Variants in TTLL11 observed in about 807,000 individuals in gnomAD.
The protein encoded by TTLL11 is tubulin tyrosine ligase like 11.
Under a neutral mutation model 51.7 loss-of-function variants are expected in TTLL11, and 42 were observed. That is an observed-to-expected ratio of 0.81 (90% CI 0.64 to 1.05). The LOEUF (loss-of-function observed/expected upper bound fraction) is 1.05. TTLL11 is among the 50% of genes least tolerant of loss of function. The pLI is 0.00. For synonymous variants in TTLL11, 381 were observed against 383.5 expected, an observed-to-expected ratio of 0.99 and a Z score of 0.08; for missense variants, 799 against 940.4, an observed-to-expected ratio of 0.85 and a Z score of 1.97.
intron 3 of TTLL11, 124 bp downstream of exon 3, chr9:122,031,599 G>T: frequency 8.3e-7 from 1 of 1,200,812 alleles, no homozygotes; most frequent in Non-Finnish European, 1.2e-6. Context: ...ACTGTGTACT[G>T]TTAAGATGCT....
chr9:122,048,437 G>C (rs1432138784), intron 1 of TTLL11, among the ~76,000 whole-genome samples: 5 of 152,132 alleles, frequency 3.3e-5, no homozygotes, highest in Admixed American at 3.3e-4. Context: ...AAAGTGCTGG[G>C]ATTATAGATG....
rs150180629 is a variant in TTLL11, at chr9:121,954,194, C to G, written c.1481+19815G>C. On this transcript the variant is annotated intron_variant, in intron 6 of 8. Transcript: ENST00000321582. The stretch of plus-strand genomic sequence containing the variant: ...GTGCATCAGCTGCAGTGACACTTGT[C>G]TGTTCACTTCATGGATATCATGTAT... Among the ~76,000 whole-genome samples, 316 of 152,338 alleles carry G rather than the reference C, an allele frequency of 2.1e-3. 1 individual carries two copies. Among genetic ancestry groups the G allele is most frequent in the Non-Finnish European group, 3.0e-3 (206 of 68,028 alleles).
chr9:121,932,699 T>A (rs1841038953), intron 6 of TTLL11, among the ~76,000 whole-genome samples: 1 of 152,090 alleles, frequency 6.6e-6, no homozygotes, highest in African/African-American at 2.4e-5. Flanking sequence ...CCACTTTTTT[T>A]TCAAAGGAAA....
chr9:122,007,004 A>AC (rs1843674045), intron 3 of TTLL11, among the ~76,000 whole-genome samples: 4 of 149,402 alleles, frequency 2.7e-5, no homozygotes, highest in Non-Finnish European at 4.4e-5. Flanking sequence ...AAAAAAAAAA[A>AC]AAAAACTTTT....
intron 3 of TTLL11, among the ~76,000 whole-genome samples, chr9:122,007,861 C>T (rs751053174): frequency 2.6e-5 from 4 of 152,118 alleles, no homozygotes; most frequent in Non-Finnish European, 5.9e-5. Context: ...CCACAAGATA[C>T]TTACTAATTA....
At chr9:121,895,306 TTGTG>T (rs1172903349) in intron 6 of TTLL11, among the ~76,000 whole-genome samples, 1 of 151,750 alleles carries the variant, frequency 6.6e-6, no homozygotes, top group Admixed American at 6.6e-5. Context: ...GTAGCTGTGT[TTGTG>T]TATGTGAGTG....
intron 6 of TTLL11, among the ~76,000 whole-genome samples, chr9:121,960,266 G>C (rs116776148): frequency 1.3e-5 from 2 of 152,112 alleles, no homozygotes; most frequent in Non-Finnish European, 2.9e-5. Context: ...ATCCATGCAC[G>C]AAGCTATAAT....
At chr9:121,990,761 A>T (rs1843088551) in intron 3 of TTLL11, among the ~76,000 whole-genome samples, 1 of 152,220 alleles carries the variant, frequency 6.6e-6, no homozygotes, top group Non-Finnish European at 1.5e-5. Context: ...CCATCTGTTG[A>T]GATCTTTTTG....
chr9:121,901,250 A>C (rs1163893499), intron 6 of TTLL11, among the ~76,000 whole-genome samples: 1 of 152,188 alleles, frequency 6.6e-6, no homozygotes, highest in African/African-American at 2.4e-5. Flanking sequence ...CAGAGTCTTT[A>C]GGGTTTTCTA....
chr9:121,987,391 C>T (rs538299151), intron 4 of TTLL11, among the ~76,000 whole-genome samples: 1 of 152,310 alleles, frequency 6.6e-6, no homozygotes, highest in Admixed American at 6.5e-5. Flanking sequence ...CCTACCCACA[C>T]TGATTGATCT....
At chr9:121,861,676 C>T (rs1372233440) in intron 7 of TTLL11, among the ~76,000 whole-genome samples, 1 of 152,134 alleles carries the variant, frequency 6.6e-6, no homozygotes, top group African/African-American at 2.4e-5. Flanking sequence ...CCTGGAGTGT[C>T]CAGGCAGCTG....
intron 8 of TTLL11, among the ~76,000 whole-genome samples, chr9:121,823,125 G>A (rs1328671397): frequency 6.6e-6 from 1 of 152,204 alleles, no homozygotes; most frequent in South Asian, 2.1e-4. Context: ...AAGGAAGTTC[G>A]GTTAACCCTA....
At chr9:121,929,167 C>T (rs765731346) in intron 6 of TTLL11, among the ~76,000 whole-genome samples, 2 of 152,046 alleles carry the variant, frequency 1.3e-5, no homozygotes, top group Admixed American at 6.6e-5. Flanking sequence ...TTTGGCCGGG[C>T]GCGGTGGCTT....
rs1490263009 is a variant in TTLL11, at chr9:121,818,614, A to G, written c.*3973T>C. 2 of 152,260 alleles carry G rather than the reference A, an allele frequency of 1.3e-5. No individual in the cohort carries two copies. The highest frequency in any genetic ancestry group is 4.8e-5 in the African/African-American group (2 of 41,450). 9.4% of individuals were successfully genotyped at this position (152,260 alleles called of 1,614,324 possible). A position where few individuals can be genotyped will look rare whatever the true frequency, so the allele number is the denominator to read the frequency against. On this transcript the variant is annotated 3_prime_UTR_variant, in exon 9 of 9. Coordinates refer to ENST00000321582, the MANE Select transcript of TTLL11 (RefSeq NM_001139442.2). ...CAGTTCTTGGAAGTAGATGGAAGGA[A>G]CCGCTCACTCTGTTTGGGGGATTGC...
intron 1 of TTLL11, among the ~76,000 whole-genome samples, chr9:122,061,283 G>A (rs1255141483): frequency 1.3e-5 from 2 of 152,156 alleles, no homozygotes; most frequent in Non-Finnish European, 2.9e-5. Context: ...TTCCAAATAA[G>A]GTCATATTCA....
intron 3 of TTLL11, among the ~76,000 whole-genome samples, chr9:122,014,138 G>A (rs1002086339): frequency 6.6e-6 from 1 of 152,126 alleles, no homozygotes; most frequent in African/African-American, 2.4e-5. Context: ...GCAGAGGTGG[G>A]CAGATCACTT....
rs530370425 is a variant in TTLL11 at position 122,001,748 on chromosome 9, C to T, written c.694-11978G>A. 3.3e-5 allele frequency among the ~76,000 whole-genome samples: 5 copies of T among 152,212 alleles called. No individual in the cohort carries two copies. The East Asian group carries it at 7.8e-4, about 24-fold the overall frequency. On this transcript the variant is annotated intron_variant, in intron 3 of 8. Transcript: ENST00000321582. The stretch of plus-strand genomic sequence containing the variant: ...CAAGAGGATAGTTTTAAACACCCAC[C>T]CAGCCACTCAGAGAGCCTGGTCAGG...
At chr9:121,993,953 C>T (rs1843181326) in intron 3 of TTLL11, among the ~76,000 whole-genome samples, 2 of 152,200 alleles carry the variant, frequency 1.3e-5, no homozygotes, top group Admixed American at 1.3e-4. Context: ...CAGGCAAAAA[C>T]AAGCCTCTGG....
At chr9:121,994,433 T>C (rs1843198321) in intron 3 of TTLL11, among the ~76,000 whole-genome samples, 1 of 152,222 alleles carries the variant, frequency 6.6e-6, no homozygotes, top group South Asian at 2.1e-4. Context: ...GGTCAGGCAC[T>C]GTTCTAAGCA....
Sources: allele counts gnomAD v4.1 joint callset (sites outside exome capture counted in the v4.1 genomes callset), GRCh38; gene constraint gnomAD v4.1.1; transcripts MANE v1.5; gene names NCBI Gene and HGNC (gene_info 2026-07-23, HGNC 2026-07-21).